Variants in CCNC observed in about 807,000 individuals in gnomAD.
The protein encoded by CCNC is cyclin C, also known as cyclin-C.
Under a neutral mutation model 50.0 loss-of-function variants are expected in CCNC, and 19 were observed. The ratio of observed to expected loss-of-function variants is 0.38; its 90% CI spans 0.27 to 0.56. The LOEUF (loss-of-function observed/expected upper bound fraction) is 0.56, where lower values mean the gene tolerates loss of function less well. Among genes scored for constraint, CCNC ranks in the 20% least tolerant of loss-of-function variants. The pLI is 0.72. For synonymous variants in CCNC, 93 were observed against 103.7 expected, an observed-to-expected ratio of 0.90 and a Z score of 0.63; for missense variants, 200 against 327.1, an observed-to-expected ratio of 0.61 and a Z score of 3.00.
At chr6:99,565,283 C>G (rs1769077136) in intron 1 of CCNC, among the ~76,000 whole-genome samples, 1 of 152,046 alleles carries the variant, frequency 6.6e-6, no homozygotes, top group Admixed American at 6.5e-5. Flanking sequence ...ACCAAGAATT[C>G]AAACTCTATT....
chr6:99,563,920 CCTA>C (rs1305762378), intron 1 of CCNC, among the ~76,000 whole-genome samples: 1 of 152,014 alleles, frequency 6.6e-6, no homozygotes, highest in Non-Finnish European at 1.5e-5. Context: ...AAACTCTCTT[CCTA>C]CTATTTTCCT....
chr6:99,552,038 T>C (rs1802321716), intron 5 of CCNC, 143 bp from the exon 6 acceptor site: 3 of 457,716 alleles, frequency 6.6e-6, no homozygotes, highest in Non-Finnish European at 1.1e-5. Context: ...ACGCAGATTT[T>C]TATTTACTTT....
intron 6 of CCNC, among the ~76,000 whole-genome samples, 169 bp downstream of exon 6, chr6:99,551,671 A>AT (rs953935093): frequency 1.3e-5 from 2 of 151,912 alleles, no homozygotes; most frequent in African/African-American, 4.8e-5. Flanking sequence ...ACTATGAAGT[A>AT]TTTTTTTTAA....
At chr6:99,544,662 T>C (rs1423205080) in intron 11 of CCNC, among the ~76,000 whole-genome samples, 2 of 151,920 alleles carry the variant, frequency 1.3e-5, no homozygotes, top group African/African-American at 2.4e-5. Flanking sequence ...ACCAAAATTC[T>C]TTATCTTTAC....
chr6:99,544,013 TCAAAAAA>T (rs1801974020), intron 11 of CCNC: 1 of 981,412 alleles, frequency 1.0e-6, no homozygotes, highest in Non-Finnish European at 1.3e-6. Flanking sequence ...GAAGTGTTCT[TCAAAAAA>T]AAAAAAAAAC....
At chr6:99,552,026 G>A (rs1489023920) in intron 5 of CCNC, 131 bp from the exon 6 acceptor site, 8 of 497,504 alleles carry the variant, frequency 1.6e-5, no homozygotes, top group African/African-American at 6.0e-5. Flanking sequence ...CAACACTTAC[G>A]GACGCAGATT....
intron 5 of CCNC, among the ~76,000 whole-genome samples, chr6:99,552,240 G>A (rs933921752): frequency 1.3e-5 from 2 of 152,064 alleles, no homozygotes; most frequent in Non-Finnish European, 2.9e-5. Flanking sequence ...GAGCTTAGAA[G>A]GAACACAGGG....
Position 99,545,158 on chromosome 6 carries a change from C to G in CCNC, c.751G>C (p.Ala251Pro). 1 of 1,611,220 alleles carries G rather than the reference C, an allele frequency of 6.2e-7. No homozygotes were observed. The highest frequency in any genetic ancestry group is 8.5e-7 in the Non-Finnish European group (1 of 1,177,618). Residue 251 changes from alanine (A) to proline (P), a missense_variant, in exon 11 of 12, where the codon GCA becomes CCA. Ala to Pro is a conservative substitution (Grantham distance 27, BLOSUM62 -1). Transcript: ENST00000520429. ...TTTGGCATCTTACTAAGAATGGTTGCCATCTCTTTTCTCTCATCGAAATTC... is the reference window on the plus strand; with the variant it reads ...TTTGGCATCTTACTAAGAATGGTTGGCATCTCTTTTCTCTCATCGAAATTC... ...WKNFDERKEMATILSKMPKPK... is the reference protein window; with the variant it reads ...WKNFDERKEMPTILSKMPKPK...
At chr6:99,558,153 C>G (rs1802619184) in intron 5 of CCNC, 1 of 306,470 alleles carries the variant, frequency 3.3e-6, no homozygotes, top group Admixed American at 4.9e-5. Context: ...AATATCTACC[C>G]ATAAGAATGA....
chr6:99,542,743 A>G lies in CCNC; in HGVS notation c.*812T>C, dbSNP rs536638333. 1 of 152,692 alleles carries G rather than the reference A, an allele frequency of 6.5e-6. No individual in the cohort carries two copies. The highest frequency in any genetic ancestry group is 1.9e-4 in the East Asian group (1 of 5,190). 9.5% of individuals were successfully genotyped at this position (152,692 alleles called of 1,614,324 possible). A position where few individuals can be genotyped will look rare whatever the true frequency, so the allele number is the denominator to read the frequency against. On this transcript the variant is annotated 3_prime_UTR_variant, in exon 12 of 12. Coordinates refer to ENST00000520429, the MANE Select transcript of CCNC (RefSeq NM_005190.4). ...GACACAACATTAAACTAGGGTGTGT[A>G]TATCTTATAAAAACCTTTTCACAGT...
In CCNC at chr6:99,543,546, C is replaced by A. The variant is rs1346236270; in HGVS notation, c.*9G>T. On this transcript the variant is annotated 3_prime_UTR_variant, in exon 12 of 12. Coordinates refer to ENST00000520429, the MANE Select transcript of CCNC (RefSeq NM_005190.4). ...CCAAGTGGTCCACTATGGAATTCTT[C>A]GGAATGTTTTAAGATTGGCTGTAGC... The A allele has an allele frequency of 6.2e-7, 1 of 1,612,948 alleles. No individual in the cohort carries two copies. The highest frequency in any genetic ancestry group is 1.7e-5 in the Admixed American group (1 of 59,972).
rs868167405 is a variant in CCNC, at chr6:99,561,522, T to C, written c.224+75A>G. 9 of 1,343,880 alleles carry C rather than the reference T, an allele frequency of 6.7e-6. 1 individual carries two copies. The Middle Eastern group carries it at 1.3e-3, about 195-fold the overall frequency. 83.2% of individuals were successfully genotyped at this position (1,343,880 alleles called of 1,614,324 possible). ...TCAAGATAACTCTATGGTAGACACA[T>C]GATTCATTTACACTGTGCTAAGGTT... On this transcript the variant is annotated intron_variant, in intron 3 of 11. Coordinates refer to ENST00000520429, the MANE Select transcript of CCNC (RefSeq NM_005190.4).
chr6:99,562,674 T>C (rs1471928142), intron 2 of CCNC, 168 bp downstream of exon 2: 2 of 532,826 alleles, frequency 3.8e-6, no homozygotes, highest in African/African-American at 3.9e-5. Context: ...AAAAAAACTT[T>C]ATTTGGATCA....
intron 1 of CCNC, among the ~76,000 whole-genome samples, chr6:99,564,682 TAATA>T (rs557019240): frequency 6.6e-6 from 1 of 152,126 alleles, no homozygotes; most frequent in Non-Finnish European, 1.5e-5. Context: ...ATAGTATAAA[TAATA>T]AATCATTTGT....
intron 1 of CCNC, among the ~76,000 whole-genome samples, chr6:99,564,056 C>T (rs921658627): frequency 6.6e-6 from 1 of 152,096 alleles, no homozygotes; most frequent in African/African-American, 2.4e-5. Context: ...CTTATTGATA[C>T]ACATTGTCAG....
At chr6:99,560,211 G>T (rs1016021015) in intron 4 of CCNC, among the ~76,000 whole-genome samples, 1 of 152,038 alleles carries the variant, frequency 6.6e-6, no homozygotes, top group African/African-American at 2.4e-5. Context: ...GTGCTTAAGA[G>T]ACTTTAAATT....
rs553085682 is a variant in CCNC at position 99,561,394 on chromosome 6, T to C, written c.267A>G (p.Thr89=). ...KSIDPVLMAP[T]CVFLASKVEE... ...CTACTTTGGATGCCAAAAACACACA[T>C]GTAGGAGCCATTAATACAGGATCTA... is the stretch of plus-strand genomic sequence containing the variant. The change falls in exon 4 of 12, where the codon ACA becomes ACG. Residue 89 remains threonine, a synonymous_variant. Coordinates refer to ENST00000520429, the MANE Select transcript of CCNC (RefSeq NM_005190.4). 2 of 1,598,532 alleles carry C rather than the reference T, an allele frequency of 1.3e-6. No homozygotes were observed. The highest frequency in any genetic ancestry group is 2.3e-5 in the South Asian group (2 of 88,350).
At chr6:99,547,048 A>G (rs1802098398) in intron 9 of CCNC, among the ~76,000 whole-genome samples, 1 of 140,524 alleles carries the variant, frequency 7.1e-6, no homozygotes, top group Non-Finnish European at 1.5e-5. Flanking sequence ...ACTGTATACA[A>G]TATTAGTTAT....
intron 11 of CCNC, 30 bp downstream of exon 11, chr6:99,545,082 T>G: frequency 2.0e-6 from 2 of 1,021,240 alleles, no homozygotes; most frequent in Non-Finnish European, 3.1e-6. Context: ...TATGATTAAA[T>G]GACATCAATA....
Sources: allele counts gnomAD v4.1 joint callset (sites outside exome capture counted in the v4.1 genomes callset), GRCh38; gene constraint gnomAD v4.1.1; transcripts MANE v1.5; gene names NCBI Gene and HGNC (gene_info 2026-07-23, HGNC 2026-07-21).